Variants in ESYT2 observed in about 807,000 individuals in gnomAD.
ESYT2 encodes extended synaptotagmin 2.
In ESYT2, 54 loss-of-function variants were observed where a neutral mutation model predicts 107.2. The observed-to-expected ratio is 0.50, with a 90% CI of 0.40 to 0.63. ESYT2 has a LOEUF of 0.63. Ranked by LOEUF, ESYT2 falls within the 30% of genes least tolerant of loss-of-function variation. The pLI is 0.00. For missense variants in ESYT2, 1,020 were observed against 1,094.5 expected (o/e 0.93, Z 0.96); for synonymous variants, 491 against 434.1 (o/e 1.13, Z -1.63).
intron 6 of ESYT2, among the ~76,000 whole-genome samples, chr7:158,783,174 G>A (rs918249682): frequency 1.3e-5 from 2 of 152,186 alleles, no homozygotes; most frequent in Non-Finnish European, 2.9e-5. Context: ...ACGAGAAGCA[G>A]AACGTGTACG....
chr7:158,746,070 A>C (rs1440281198), intron 16 of ESYT2, among the ~76,000 whole-genome samples: 1 of 152,140 alleles, frequency 6.6e-6, no homozygotes, highest in Non-Finnish European at 1.5e-5. Flanking sequence ...ATCTTGTAAG[A>C]CTTATTAGGA....
chr7:158,798,410 G>A (rs2129473551), intron 2 of ESYT2, among the ~76,000 whole-genome samples: 1 of 152,084 alleles, frequency 6.6e-6, no homozygotes, highest in South Asian at 2.1e-4. Context: ...CATTTGGGAG[G>A]CTGAAGCGGG....
At chr7:158,822,335 C>G (rs1267813592) in intron 1 of ESYT2, among the ~76,000 whole-genome samples, 1 of 152,202 alleles carries the variant, frequency 6.6e-6, no homozygotes, top group African/African-American at 2.4e-5. Context: ...TACCTTGAAT[C>G]ACAGTTAAGA....
At position 158,792,862 on chromosome 7, in the gene ESYT2, A is replaced by G. The variant is rs536129895; in HGVS notation, c.584+788T>C. Among the ~76,000 whole-genome samples the G allele has an allele frequency of 6.5e-3, 874 of 135,114 alleles. 4 individuals carry two copies. Among genetic ancestry groups the G allele is most frequent in the Non-Finnish European group, 0.01 (681 of 65,852 alleles). 88.6% of individuals were successfully genotyped at this position (135,114 alleles called of 152,430 possible). Reference sequence around the variant, plus strand: ...CGGCTCACTGCAAGCTCCGCCTCCCAGGTTCACACCACTCTCCTGCCTCAG... The same window carrying G: ...CGGCTCACTGCAAGCTCCGCCTCCCGGGTTCACACCACTCTCCTGCCTCAG... On this transcript the variant is annotated intron_variant, in intron 4 of 22. Coordinates refer to ENST00000275418, the MANE Select transcript of ESYT2 (RefSeq NM_001367773.1).
chr7:158,792,405 G>T (rs1309355840), intron 4 of ESYT2, among the ~76,000 whole-genome samples: 1 of 151,326 alleles, frequency 6.6e-6, no homozygotes, highest in Non-Finnish European at 1.5e-5. Flanking sequence ...GCATGCACCT[G>T]TAGTCTCAGC....
intron 1 of ESYT2, among the ~76,000 whole-genome samples, chr7:158,812,837 C>T (rs1344534517): frequency 6.6e-6 from 1 of 152,168 alleles, no homozygotes; most frequent in Non-Finnish European, 1.5e-5. Flanking sequence ...AAAGATCACA[C>T]ACATATTACA....
Position 158,788,105 on chromosome 7 carries a change from C to G in ESYT2, c.658-12G>C. On this transcript the variant is annotated splice_polypyrimidine_tract_variant and intron_variant, in intron 5 of 22. Transcript: ENST00000275418. Reference sequence around the variant, plus strand: ...ATGGTACCATGAATCTAAACTCAAACAGGAAACCAAAATATGTAATAGAAA... The same window carrying G: ...ATGGTACCATGAATCTAAACTCAAAGAGGAAACCAAAATATGTAATAGAAA... 1 of 1,608,734 alleles carries G rather than the reference C, an allele frequency of 6.2e-7. No homozygotes were observed. The highest frequency in any genetic ancestry group is 1.7e-5 in the Admixed American group (1 of 59,940).
chr7:158,790,666 C>G (rs543460713), intron 4 of ESYT2, among the ~76,000 whole-genome samples: 32 of 152,302 alleles, frequency 2.1e-4, no homozygotes, highest in African/African-American at 7.7e-4. Context: ...GTGGCTCATG[C>G]CTGTAATCCT....
intron 7 of ESYT2, among the ~76,000 whole-genome samples, chr7:158,771,649 AGC>A (rs1305681165): frequency 6.6e-6 from 1 of 152,146 alleles, no homozygotes; most frequent in East Asian, 1.9e-4. Flanking sequence ...CTGGCGAGAG[AGC>A]CCTTATGGTG....
chr7:158,759,991 G>C (rs1007619358), intron 12 of ESYT2, 67 bp downstream of exon 12: 5 of 1,447,216 alleles, frequency 3.5e-6, no homozygotes, highest in Non-Finnish European at 3.9e-6. Context: ...ACACAACTGA[G>C]AGACCAAGCT....
rs746234331 is a variant in ESYT2, at chr7:158,735,533, G to A, written c.2475C>T (p.Phe825=). 2.5e-6 allele frequency: 4 copies of A among 1,614,164 alleles called. No homozygotes were observed. The highest frequency in any genetic ancestry group is 3.4e-6 in the Non-Finnish European group (4 of 1,179,996). The change falls in exon 21 of 23, where the codon TTC becomes TTT. Residue 825 remains phenylalanine (F), a synonymous_variant. Transcript: ENST00000275418. ...CAAGGAGCCCTTTGTCTTTGGACAG[G>A]AAGCCGCCACTGTTCTTCACGGCAA... ...LDVAVKNSGG[F]LSKDKGLLGK... is the part of the protein sequence containing the mutation.
In ESYT2 at chr7:158,739,133, G is replaced by C. The variant is rs755166181; in HGVS notation, c.2169-12C>G. The C allele has an allele frequency of 6.2e-7, 1 of 1,613,122 alleles. No individual in the cohort carries two copies. The highest frequency in any genetic ancestry group is 1.3e-5 in the African/African-American group (1 of 74,918). ...CCAGGGTCGTCCCGCTGTGGGAAAA[G>C]AGCAGAAAGTCACCAGCTTGCCTGA... On this transcript the variant is annotated splice_polypyrimidine_tract_variant and intron_variant, in intron 18 of 22. Transcript: ENST00000275418.
rs1003515803 is a variant in ESYT2, at chr7:158,759,554, C to G, written c.1351G>C (p.Asp451His). 6.2e-7 allele frequency: 1 copy of G among 1,612,182 alleles called. No individual in the cohort carries two copies. Among genetic ancestry groups the G allele is most frequent in the African/African-American group, 1.3e-5 (1 of 74,890 alleles). The change falls in exon 13 of 23, where the codon GAC (aspartate) becomes CAC (histidine). Residue 451 changes from aspartate to histidine, a missense_variant. By Grantham distance (81) the Asp-to-His change is moderately conservative. Transcript: ENST00000275418. The part of the protein sequence containing the change: ...KVLTDIKADK[D>H]QANDGLSSAL... ...GAGGAAAGACCATCGTTGGCTTGGT[C>G]TTTGTCAGCTTTGATGTCTGTTAGC...
chr7:158,800,441 G>A (rs1839602728), intron 1 of ESYT2, among the ~76,000 whole-genome samples: 1 of 152,180 alleles, frequency 6.6e-6, no homozygotes, highest in Non-Finnish European at 1.5e-5. Context: ...TCAGGCTGGA[G>A]AGCAGTAGTT....
In ESYT2 at chr7:158,799,796, A is replaced by G. The variant is rs376175062; in HGVS notation, c.331-724T>C. ...GGATCCCTCTTACAATTCTCCAGGTAGGGCCTGGATACTGGAGAAGGGTTT... is the reference window on the plus strand; with the variant it reads ...GGATCCCTCTTACAATTCTCCAGGTGGGGCCTGGATACTGGAGAAGGGTTT... On this transcript the variant is annotated intron_variant, in intron 1 of 22. Transcript: ENST00000275418. Among the ~76,000 whole-genome samples the G allele has an allele frequency of 3.5e-4, 54 of 152,152 alleles. 1 individual carries two copies. In the East Asian group the frequency reaches 0.01, roughly 28 times the overall value.
chr7:158,823,984 A>G (rs2129474378), intron 1 of ESYT2, among the ~76,000 whole-genome samples: 1 of 152,350 alleles, frequency 6.6e-6, no homozygotes, highest in East Asian at 1.9e-4. Flanking sequence ...TATTAATCTT[A>G]AGTAGAAATT....
intron 21 of ESYT2, among the ~76,000 whole-genome samples, 178 bp downstream of exon 21, chr7:158,735,325 A>ATTTT (rs1319527327): frequency 2.0e-5 from 3 of 152,366 alleles, no homozygotes; most frequent in African/African-American, 7.2e-5. Context: ...TTAACTTAAA[A>ATTTT]TATCTTCAGA....
intron 6 of ESYT2, among the ~76,000 whole-genome samples, chr7:158,782,393 C>CGAGAAGAAGTGAGTGAACGAGTGT (rs1838913668): frequency 1.2e-5 from 1 of 86,638 alleles, no homozygotes. Context: ...GAGGTAAGAA[C>CGAGAAGAAGTGAGTGAACGAGTGT]GAGAACAAGT....
At chr7:158,745,714 T>C (rs1418258300) in intron 16 of ESYT2, among the ~76,000 whole-genome samples, 3 of 150,656 alleles carry the variant, frequency 2.0e-5, no homozygotes, top group Admixed American at 1.3e-4. Flanking sequence ...CCCAAACATA[T>C]GGAAACTAAA....
Sources: allele counts gnomAD v4.1 joint callset (sites outside exome capture counted in the v4.1 genomes callset), GRCh38; gene constraint gnomAD v4.1.1; transcripts MANE v1.5; gene names NCBI Gene and HGNC (gene_info 2026-07-23, HGNC 2026-07-21).